SFMBT2: variants seen among roughly 807,000 people sequenced by gnomAD.
The protein encoded by SFMBT2 is Scm like with four mbt domains 2.
In SFMBT2, 38 loss-of-function variants were observed where a neutral mutation model predicts 110.1. The ratio of observed to expected loss-of-function variants is 0.35; its 90% confidence interval spans 0.27 to 0.45. SFMBT2 has a LOEUF of 0.45. SFMBT2 is among the 20% of genes least tolerant of loss of function. SFMBT2 has a pLI of 1.00. For synonymous variants in SFMBT2, 425 were observed against 425.4 expected (o/e 1.00, Z 0.01); for missense variants, 1,011 against 1,094.9 (o/e 0.92, Z 1.08).
At chr10:7,280,172 C>T (rs79082784) in intron 6 of SFMBT2, among the ~76,000 whole-genome samples, 1,605 of 152,304 alleles carry the variant, frequency 0.011, 26 homozygotes, top group African/African-American at 0.037. Flanking sequence ...ACCTCAACTA[C>T]ACTGGCACCC....
At chr10:7,273,395 G>C (rs917567210) in intron 7 of SFMBT2, among the ~76,000 whole-genome samples, 1 of 152,178 alleles carries the variant, frequency 6.6e-6, no homozygotes, top group Admixed American at 6.5e-5. Flanking sequence ...AAGAAACAGT[G>C]AACTTCAGCC....
intron 4 of SFMBT2, chr10:7,329,501 G>A (rs996519717): frequency 1.0e-5 from 10 of 985,508 alleles, no homozygotes; most frequent in African/African-American, 1.7e-5. Context: ...ATGAGCTGGA[G>A]GGAGAGAGGA....
chr10:7,374,856 C>A (rs1011417584), intron 2 of SFMBT2, among the ~76,000 whole-genome samples: 5 of 152,192 alleles, frequency 3.3e-5, no homozygotes, highest in Admixed American at 2.6e-4. Flanking sequence ...CACGTACAAC[C>A]CTTCCCCAGG....
At chr10:7,407,488 G>A (rs1054630189) in intron 1 of SFMBT2, among the ~76,000 whole-genome samples, 13 of 152,166 alleles carry the variant, frequency 8.5e-5, no homozygotes, top group Non-Finnish European at 1.6e-4. Context: ...CGGATCAGCC[G>A]CGGCTGTGCT....
chr10:7,411,345 A>T (rs1425455349), upstream of SFMBT2: 1 of 152,024 alleles, frequency 6.6e-6, no homozygotes, highest in Non-Finnish European at 1.5e-5. Flanking sequence ...CCCTCCATAC[A>T]TGATCTGCAG....
At chr10:7,260,202 T>A (rs1368014031) in intron 7 of SFMBT2, among the ~76,000 whole-genome samples, 2 of 152,140 alleles carry the variant, frequency 1.3e-5, no homozygotes, top group African/African-American at 4.8e-5. Flanking sequence ...CCTGAAATGG[T>A]ACTGGTCCCC....
intron 4 of SFMBT2, among the ~76,000 whole-genome samples, chr10:7,303,605 T>A (rs1842615032): frequency 6.6e-6 from 1 of 152,212 alleles, no homozygotes; most frequent in Non-Finnish European, 1.5e-5. Flanking sequence ...ACTTATCCAA[T>A]AACCATAAGC....
At chr10:7,254,941 T>G (rs147109976) in intron 7 of SFMBT2, among the ~76,000 whole-genome samples, 511 of 152,264 alleles carry the variant, frequency 3.4e-3, no homozygotes, top group African/African-American at 0.011. Flanking sequence ...CACTTGACAC[T>G]CCTAAGGAAT....
intron 4 of SFMBT2, among the ~76,000 whole-genome samples, chr10:7,348,485 G>A (rs1468557059): frequency 6.6e-6 from 1 of 152,106 alleles, no homozygotes; most frequent in Admixed American, 6.5e-5. Flanking sequence ...CTACTTAACA[G>A]CTCTGTTAGT....
chr10:7,228,729 TTCTTTCCTTTCTCTC>T (rs1840000790), intron 9 of SFMBT2, among the ~76,000 whole-genome samples: 141 of 90,432 alleles, frequency 1.6e-3, no homozygotes, highest in African/African-American at 6.4e-3. Context: ...CTTTCTTTCT[TTCTTTCCTTTCTCTC>T]TCTCTCTCTC....
At chr10:7,253,374 G>T (rs1428263843) in intron 7 of SFMBT2, among the ~76,000 whole-genome samples, 1 of 152,152 alleles carries the variant, frequency 6.6e-6, no homozygotes, top group South Asian at 2.1e-4. Context: ...TTATGGTACC[G>T]AGCCCTTCAC....
At chr10:7,198,078 AGT>A (rs917661406) in intron 14 of SFMBT2, 111 of 985,122 alleles carry the variant, frequency 1.1e-4, no homozygotes, top group Non-Finnish European at 1.3e-4. Flanking sequence ...ATGCCACACA[AGT>A]GTGTCAACTT....
At chr10:7,210,932 G>A (rs994983619) in intron 11 of SFMBT2, among the ~76,000 whole-genome samples, 1 of 152,004 alleles carries the variant, frequency 6.6e-6, no homozygotes, top group Non-Finnish European at 1.5e-5. Context: ...GGGGTGTGGG[G>A]AGGGGAGAGA....
intron 4 of SFMBT2, chr10:7,292,348 C>T (rs1223752033): frequency 4.5e-6 from 1 of 220,608 alleles, no homozygotes; most frequent in African/African-American, 2.3e-5. Context: ...TGACAGAGTT[C>T]TTTCCCTTGG....
In SFMBT2 at chr10:7,367,217, G is replaced by A. The variant is rs1265651048; in HGVS notation, c.436+432C>T. The stretch of plus-strand genomic sequence containing the variant: ...GACACTCTGTTACTGTTCAAATGTC[G>A]ACTTGCTAAAGCAGAAGAAAAGCAA... On this transcript the variant is annotated intron_variant, in intron 4 of 20. Transcript: ENST00000397167. The surrounding 1 kb of genome is among the most constrained non-coding windows in gnomAD (Gnocchi z 6.2). Among the ~76,000 whole-genome samples the A allele has an allele frequency of 1.3e-5, 2 of 151,966 alleles. No homozygotes were observed. The highest frequency in any genetic ancestry group is 6.6e-5 in the Admixed American group (1 of 15,264).
intron 14 of SFMBT2, among the ~76,000 whole-genome samples, chr10:7,199,056 G>A (rs1195785984): frequency 6.6e-6 from 1 of 152,156 alleles, no homozygotes; most frequent in Non-Finnish European, 1.5e-5. Flanking sequence ...TCAGCTCACT[G>A]CAACCTCCAC....
At chr10:7,214,229 A>G (rs1839454749) in intron 11 of SFMBT2, among the ~76,000 whole-genome samples, 1 of 152,260 alleles carries the variant, frequency 6.6e-6, no homozygotes, top group Non-Finnish European at 1.5e-5. Context: ...AACGTCCAGC[A>G]TCTTCCGGCC....
rs144984457 is a variant in SFMBT2, at chr10:7,246,929, C to A, written c.972+1619G>T. 3.9e-5 allele frequency among the ~76,000 whole-genome samples: 6 copies of A among 152,030 alleles called. No individual in the cohort carries two copies. The East Asian group carries it at 1.2e-3, about 29-fold the overall frequency. ...TGGGATTCAACAGGGCACCACTGGT[C>A]CATTTTGGAAAAATATCCGACAACT... On this transcript the variant is annotated intron_variant, in intron 8 of 20. Coordinates refer to ENST00000397167, the MANE Select transcript of SFMBT2 (RefSeq NM_001387889.1).
chr10:7,402,871 G>C (rs1271139495), intron 1 of SFMBT2, among the ~76,000 whole-genome samples: 1 of 152,164 alleles, frequency 6.6e-6, no homozygotes, highest in African/African-American at 2.4e-5. Flanking sequence ...GGCCAACACT[G>C]TTTAGAAGGA....
Sources: gnomAD v4.1 joint callset for allele counts (sites outside exome capture counted in the v4.1 genomes callset) on GRCh38, gnomAD v4.1.1 for gene constraint, Gnocchi (gnomAD v3.1) non-coding constraint, MANE v1.5 for transcripts, NCBI Gene and HGNC (gene_info 2026-07-23, HGNC 2026-07-21) for gene names.